The following ZNF577 variants were observed in gnomAD, a reference collection of about 807,000 sequenced individuals.
ZNF577 encodes zinc finger protein 577.
A neutral mutation model predicts 13.9 loss-of-function variants in ZNF577; 14 were observed. That is an observed-to-expected ratio of 1.00 (90% confidence interval 0.66 to 1.57). The LOEUF is 1.57. Among genes scored for constraint, ZNF577 ranks in the 40% most tolerant of loss-of-function variants. ZNF577 has a pLI of 0.00. For synonymous variants in ZNF577, 203 were observed against 202.9 expected, an observed-to-expected ratio of 1.00 and a Z score of 0.00; for missense variants, 555 against 579.2, an observed-to-expected ratio of 0.96 and a Z score of 0.43.
At position 51,847,129 on chromosome 19, in the gene ZNF577, G is replaced by A. The variant is rs145797454; in HGVS notation, c.284-2198C>T. On this transcript the variant is annotated intron_variant and NMD_transcript_variant, in intron 5 of 10. Transcript: ENST00000638827. ...TAATTTCAAGTGTATACAAACACTC[G>A]TGTACGCACACACATGCACACACAT... is the stretch of plus-strand genomic sequence containing the variant. Among the ~76,000 whole-genome samples, 613 of 152,228 alleles carry A rather than the reference G, an allele frequency of 4.0e-3. 4 individuals carry two copies. Among genetic ancestry groups the A allele is most frequent in the African/African-American group, 0.014 (583 of 41,538 alleles).
chr19:51,834,298 A>G (rs904805890), intron 9 of ZNF577, among the ~76,000 whole-genome samples: 5 of 152,202 alleles, frequency 3.3e-5, no homozygotes, highest in Admixed American at 2.6e-4. Context: ...TTGCCCAGGC[A>G]AACTCCTGGC....
chr19:51,806,456 G>A (rs1363244133), intron 10 of ZNF577, among the ~76,000 whole-genome samples: 3 of 152,038 alleles, frequency 2.0e-5, no homozygotes, highest in South Asian at 2.1e-4. Context: ...CTTACCATCC[G>A]TACCAGGAGT....
intron 5 of ZNF577, among the ~76,000 whole-genome samples, chr19:51,875,363 C>CA (rs538987406): frequency 0.021 from 1,326 of 63,688 alleles, 18 homozygotes; most frequent in Middle Eastern, 0.049. Context: ...AACTCTGTCA[C>CA]AAAAAAAAAA....
chr19:51,883,676 G>A (rs542457026), intron 1 of ZNF577, among the ~76,000 whole-genome samples: 2 of 152,196 alleles, frequency 1.3e-5, no homozygotes, highest in African/African-American at 4.8e-5. Flanking sequence ...CAAGCAAATC[G>A]AATGCACCCA....
intron 9 of ZNF577, among the ~76,000 whole-genome samples, chr19:51,818,855 G>A (rs1469440451): frequency 6.6e-6 from 1 of 152,146 alleles, no homozygotes; most frequent in Non-Finnish European, 1.5e-5. Context: ...ATAGAAGAGT[G>A]CTGAGAAGAA....
At chr19:51,862,061 G>A (rs2084509260), downstream of ZNF577, 1 of 152,550 alleles carries the variant, frequency 6.6e-6, no homozygotes, top group Admixed American at 6.5e-5. Flanking sequence ...GCATCATAGG[G>A]TCTCTCTCCT....
intron 3 of ZNF577, among the ~76,000 whole-genome samples, chr19:51,879,241 A>G (rs1158370084): frequency 2.7e-5 from 4 of 145,838 alleles, no homozygotes; most frequent in Non-Finnish European, 6.0e-5. Flanking sequence ...TGGGCGACAG[A>G]GCAAGACTCC....
intron 5 of ZNF577, among the ~76,000 whole-genome samples, chr19:51,850,754 G>A (rs915304636): frequency 5.3e-5 from 8 of 152,248 alleles, no homozygotes; most frequent in East Asian, 1.9e-4. Flanking sequence ...TGCAGCTGGT[G>A]TCAGAAGTGA....
At chr19:51,813,549 G>A (rs1327782258) in intron 9 of ZNF577, among the ~76,000 whole-genome samples, 1 of 151,248 alleles carries the variant, frequency 6.6e-6, no homozygotes, top group Non-Finnish European at 1.5e-5. Flanking sequence ...CCTTTTTTTT[G>A]AGACAGAGTC....
intron 9 of ZNF577, among the ~76,000 whole-genome samples, chr19:51,838,702 A>T (rs1443762657): frequency 6.6e-6 from 1 of 151,058 alleles, no homozygotes; most frequent in Non-Finnish European, 1.5e-5. Flanking sequence ...TTATGTATTT[A>T]AGAAAATGAA....
At chr19:51,883,364 A>G (rs1333412697) in intron 1 of ZNF577, among the ~76,000 whole-genome samples, 1 of 151,974 alleles carries the variant, frequency 6.6e-6, no homozygotes, top group African/African-American at 2.4e-5. Context: ...GCCTCAAGCA[A>G]TCCTCCCACC....
intron 5 of ZNF577, among the ~76,000 whole-genome samples, chr19:51,845,731 T>C (rs2084348064): frequency 6.6e-6 from 1 of 152,220 alleles, no homozygotes; most frequent in Admixed American, 6.5e-5. Context: ...ATATTTGTCT[T>C]TCTCTGTGAG....
rs937652702 is a variant in ZNF577, at chr19:51,872,270, C to T, written c.*262G>A. On this transcript the variant is annotated 3_prime_UTR_variant, in exon 6 of 6. Transcript: ENST00000638348. ...ACGAGGCACAATTTAGCGCTAAAAG[C>T]ACCATCACAATCTTTCATAAATATT... The T allele has an allele frequency of 9.5e-6, 3 of 316,654 alleles. No homozygotes were observed. The highest frequency in any genetic ancestry group is 1.7e-5 in the Non-Finnish European group (3 of 172,934). 19.6% of individuals were successfully genotyped at this position (316,654 alleles called of 1,614,324 possible).
At chr19:51,826,742 T>C (rs139094446) in intron 9 of ZNF577, among the ~76,000 whole-genome samples, 8 of 152,302 alleles carry the variant, frequency 5.3e-5, no homozygotes, top group East Asian at 3.9e-4. Flanking sequence ...TGAGAGATTA[T>C]GGTTTTTCAA....
chr19:51,872,953 C>G lies in ZNF577; in HGVS notation c.1037G>C (p.Arg346Pro). 1.2e-6 allele frequency: 2 copies of G among 1,614,188 alleles called. No homozygotes were observed. The highest frequency in any genetic ancestry group is 2.2e-5 in the East Asian group (1 of 44,880). The change falls in exon 6 of 6, where the codon CGT (arginine) becomes CCT (proline). Residue 346 changes from arginine to proline, a missense_variant. Transcript: ENST00000638348. ...RSKSKLIQHQ[R>P]THTGERPYSC... Reference sequence around the variant, plus strand: ...ATATGGTCTCTCTCCAGTGTGAGTACGCTGATGCTGAATGAGCTTCGACTT... The same window carrying G: ...ATATGGTCTCTCTCCAGTGTGAGTAGGCTGATGCTGAATGAGCTTCGACTT...
chr19:51,808,728 A>T (rs988504488), intron 10 of ZNF577, among the ~76,000 whole-genome samples: 1 of 152,212 alleles, frequency 6.6e-6, no homozygotes, highest in Non-Finnish European at 1.5e-5. Flanking sequence ...AGATGGTGAA[A>T]GTTTTTGTAA....
chr19:51,879,801 T>G (rs1244107335), intron 3 of ZNF577, among the ~76,000 whole-genome samples: 1 of 152,178 alleles, frequency 6.6e-6, no homozygotes, highest in East Asian at 1.9e-4. Context: ...TCTGTTTGCT[T>G]GAATCTCTTG....
intron 9 of ZNF577, chr19:51,823,915 C>T: frequency 1.2e-6 from 2 of 1,614,094 alleles, no homozygotes; most frequent in Non-Finnish European, 1.7e-6. Flanking sequence ...TTCCGGATGA[C>T]ACGCACAGTC....
intron 9 of ZNF577, among the ~76,000 whole-genome samples, chr19:51,829,539 G>A (rs918064599): frequency 3.9e-5 from 6 of 152,168 alleles, no homozygotes; most frequent in African/African-American, 1.4e-4. Flanking sequence ...GGCCTTCCAA[G>A]AAGGTTTGCA....
Sources: allele counts gnomAD v4.1 joint callset (sites outside exome capture counted in the v4.1 genomes callset), GRCh38; gene constraint gnomAD v4.1.1; transcripts MANE v1.5; gene names NCBI Gene and HGNC (gene_info 2026-07-23, HGNC 2026-07-21).